Variants in PDE10A observed in about 807,000 individuals in gnomAD.
PDE10A encodes the protein phosphodiesterase 10A.
In PDE10A, 39 loss-of-function variants were observed where a neutral mutation model predicts 97.7. The observed-to-expected ratio is 0.40, with a 90% CI of 0.31 to 0.52. PDE10A has a LOEUF of 0.52. Among genes scored for constraint, PDE10A ranks in the 20% least tolerant of loss-of-function variants. PDE10A has a pLI of 0.56. For synonymous variants in PDE10A, 371 were observed against 376.8 expected (o/e 0.98, Z 0.18); for missense variants, 731 against 1,047.8 (o/e 0.70, Z 4.17).
intron 1 of PDE10A, among the ~76,000 whole-genome samples, chr6:165,983,767 G>A (rs1230659350): frequency 6.6e-6 from 1 of 152,202 alleles, no homozygotes; most frequent in Non-Finnish European, 1.5e-5. Flanking sequence ...ATTTGGCTTA[G>A]AGGCCCAAAG....
chr6:165,739,268 T>C (rs928241284), intron 1 of PDE10A, among the ~76,000 whole-genome samples: 3 of 152,162 alleles, frequency 2.0e-5, no homozygotes, highest in African/African-American at 7.2e-5. Flanking sequence ...AACAAAAGTA[T>C]GGTACTGGCA....
chr6:165,358,672 T>G (rs1273894234), intron 18 of PDE10A, among the ~76,000 whole-genome samples: 1 of 152,006 alleles, frequency 6.6e-6, no homozygotes, highest in Non-Finnish European at 1.5e-5. Context: ...TCTATGTATA[T>G]TTAATTTAAT....
intron 1 of PDE10A, among the ~76,000 whole-genome samples, chr6:165,883,518 C>G (rs927916581): frequency 6.8e-6 from 1 of 148,034 alleles, no homozygotes; most frequent in Non-Finnish European, 1.5e-5. Context: ...CCAGCCTTGA[C>G]GACAAATTGA....
At chr6:165,723,515 C>A (rs1385167718) in intron 1 of PDE10A, among the ~76,000 whole-genome samples, 1 of 152,216 alleles carries the variant, frequency 6.6e-6, no homozygotes, top group Non-Finnish European at 1.5e-5. Context: ...ACGGCACAGG[C>A]AGGCCGAGCT....
chr6:165,367,927 T>C (rs998268499), intron 18 of PDE10A, among the ~76,000 whole-genome samples: 1 of 152,210 alleles, frequency 6.6e-6, no homozygotes, highest in Non-Finnish European at 1.5e-5. Flanking sequence ...AATTTGGATT[T>C]ACATTAATGA....
At chr6:165,816,269 C>G (rs1381832285) in intron 1 of PDE10A, among the ~76,000 whole-genome samples, 1 of 152,186 alleles carries the variant, frequency 6.6e-6, no homozygotes, top group African/African-American at 2.4e-5. Context: ...TTTTCTAAAG[C>G]TGCCCATTCC....
At chr6:165,615,808 A>T (rs939036637) in intron 1 of PDE10A, among the ~76,000 whole-genome samples, 1 of 152,128 alleles carries the variant, frequency 6.6e-6, no homozygotes, top group African/African-American at 2.4e-5. Context: ...AGTCTGCACC[A>T]TGTCAGCCCT....
chr6:165,805,332 C>T (rs1170602529), intron 1 of PDE10A, among the ~76,000 whole-genome samples: 3 of 152,076 alleles, frequency 2.0e-5, no homozygotes, highest in Non-Finnish European at 4.4e-5. Flanking sequence ...CTGGCAGATC[C>T]GGGGCGTCAC....
At chr6:165,484,304 CTT>C (rs1245635713) in intron 2 of PDE10A, among the ~76,000 whole-genome samples, 66 of 152,192 alleles carry the variant, frequency 4.3e-4, no homozygotes, top group African/African-American at 1.5e-3. Context: ...TAGACAGTGG[CTT>C]AGAGCAGGAG....
intron 1 of PDE10A, among the ~76,000 whole-genome samples, chr6:165,951,781 T>C (rs920207378): frequency 6.6e-6 from 1 of 152,216 alleles, no homozygotes; most frequent in African/African-American, 2.4e-5. Flanking sequence ...CGGGCACATC[T>C]TCTCCATGCA....
At chr6:165,632,995 C>G (rs753760) in intron 1 of PDE10A, among the ~76,000 whole-genome samples, 48,226 of 150,854 alleles carry the variant, frequency 0.32, 7,910 homozygotes, top group Middle Eastern at 0.49. Context: ...TATTTTTCAG[C>G]AACTCAATAT....
intron 2 of PDE10A, among the ~76,000 whole-genome samples, chr6:165,507,029 G>A (rs1282458981): frequency 6.6e-6 from 1 of 152,090 alleles, no homozygotes; most frequent in Non-Finnish European, 1.5e-5. Context: ...AGCACCATTT[G>A]GTGATCCTGG....
At chr6:165,350,081 G>C (rs1782596899) in intron 18 of PDE10A, among the ~76,000 whole-genome samples, 1 of 152,198 alleles carries the variant, frequency 6.6e-6, no homozygotes, top group Non-Finnish European at 1.5e-5. Flanking sequence ...GGAGCTGTGA[G>C]AAGAGGGCCA....
In PDE10A at chr6:165,951,583, G is replaced by C. The variant is rs1440137602; in HGVS notation, c.-615+35946C>G. Among the ~76,000 whole-genome samples, 3 of 152,048 alleles carry C rather than the reference G, an allele frequency of 2.0e-5. No homozygotes were observed. The East Asian group carries it at 5.8e-4, about 29-fold the overall frequency. ...ACGACGTAGGGTGAACTTCCAATGG[G>C]ACCCTTATGTGCAAGGTCCTCTTCC... On this transcript the variant is annotated intron_variant, in intron 1 of 19. Coordinates refer to the PDE10A transcript ENST00000366882.
chr6:165,414,941 GT>G (rs1788200838), intron 12 of PDE10A, among the ~76,000 whole-genome samples: 1 of 152,126 alleles, frequency 6.6e-6, no homozygotes, highest in African/African-American at 2.4e-5. Flanking sequence ...TTTTTCATGT[GT>G]TTGGTGATCA....
intron 1 of PDE10A, among the ~76,000 whole-genome samples, chr6:165,821,079 G>A (rs1021045300): frequency 6.6e-6 from 1 of 152,172 alleles, no homozygotes; most frequent in African/African-American, 2.4e-5. Context: ...GCTGCGGTGG[G>A]GCAGTGGCTG....
intron 1 of PDE10A, among the ~76,000 whole-genome samples, chr6:165,566,131 A>G (rs903759102): frequency 6.6e-6 from 1 of 152,240 alleles, no homozygotes; most frequent in Non-Finnish European, 1.5e-5. Flanking sequence ...AACTGCCAAG[A>G]GAATAAAAAG....
intron 1 of PDE10A, among the ~76,000 whole-genome samples, chr6:165,975,944 T>C (rs1345777616): frequency 1.3e-5 from 2 of 152,242 alleles, no homozygotes; most frequent in African/African-American, 4.8e-5. Flanking sequence ...ACATTTCACT[T>C]CCATGTTGTA....
intron 2 of PDE10A, among the ~76,000 whole-genome samples, chr6:165,491,498 C>T (rs546022168): frequency 3.3e-5 from 5 of 152,082 alleles, no homozygotes; most frequent in African/African-American, 4.8e-5. Context: ...GATAGGCCAC[C>T]AAACAAATCT....
Sources: allele counts gnomAD v4.1 joint callset (sites outside exome capture counted in the v4.1 genomes callset), GRCh38; gene constraint gnomAD v4.1.1; transcripts MANE v1.5; gene names NCBI Gene and HGNC (gene_info 2026-07-23, HGNC 2026-07-21).